Variants in F13A1 observed in about 807,000 individuals in gnomAD.
The protein encoded by F13A1 is coagulation factor XIII A chain, also known as FSF, A subunit.
A neutral mutation model predicts 80.1 loss-of-function variants in F13A1; 47 were observed. The observed-to-expected ratio is 0.59, with a 90% CI of 0.46 to 0.75. F13A1 has a LOEUF of 0.75. Ranked by LOEUF, F13A1 falls within the 30% of genes least tolerant of loss-of-function variation. The probability of loss-of-function intolerance (pLI) is 0.00; values close to 1 mark genes in which losing one functional copy is unlikely to be tolerated. For missense variants in F13A1, 817 were observed against 930.4 expected (o/e 0.88, Z 1.59); for synonymous variants, 349 against 344.9 (o/e 1.01, Z -0.13).
intron 2 of F13A1, 148 bp downstream of exon 2, chr6:6,318,387 T>C: frequency 1.8e-6 from 2 of 1,100,252 alleles, no homozygotes; most frequent in Admixed American, 5.2e-5. Flanking sequence ...AGCTTTTGCT[T>C]TCTTCCTTTA....
chr6:6,171,210 G>A (rs1320815723), intron 12 of F13A1, among the ~76,000 whole-genome samples: 2 of 152,192 alleles, frequency 1.3e-5, no homozygotes, highest in African/African-American at 4.8e-5. Context: ...GAAGGGACCT[G>A]GCCCACTTGG....
chr6:6,197,101 C>A, intron 9 of F13A1, 122 bp downstream of exon 9: 1 of 834,470 alleles, frequency 1.2e-6, no homozygotes. Context: ...TACATGTGCC[C>A]AGGAAGCACA....
At position 6,248,342 on chromosome 6, in the gene F13A1, G is replaced by C; in HGVS notation, c.768C>G (p.Pro256=). The change falls in exon 6 of 15, where the codon CCC becomes CCG. Residue 256 remains proline (P), a synonymous_variant. Coordinates refer to ENST00000264870, the MANE Select transcript of F13A1 (RefSeq NM_000129.4). ...CAGACCCCACACGGCTGACTTTGAT[G>C]GGATTCCCTCTTCCAGAGAGGTCCA... ...AQMDLSGRGN[P]IKVSRVGSAM... The C allele has an allele frequency of 6.2e-7, 1 of 1,613,836 alleles. No individual in the cohort carries two copies. The highest frequency in any genetic ancestry group is 8.5e-7 in the Non-Finnish European group (1 of 1,179,842).
At chr6:6,151,982 A>G (rs1189150957) in intron 13 of F13A1, 33 bp from the exon 14 acceptor site, 3 of 1,612,786 alleles carry the variant, frequency 1.9e-6, no homozygotes, top group Admixed American at 3.3e-5. Context: ...TTAGCACCAA[A>G]TAAAACCTCG....
At chr6:6,225,071 C>T (rs1391056132) in intron 6 of F13A1, among the ~76,000 whole-genome samples, 1 of 152,168 alleles carries the variant, frequency 6.6e-6, no homozygotes, top group East Asian at 1.9e-4. Flanking sequence ...ACCAAGATTG[C>T]CTGTTAAATC....
rs538491635 is a variant in F13A1 at position 6,297,350 on chromosome 6, G to C, written c.319+8001C>G. On this transcript the variant is annotated intron_variant, in intron 3 of 14. Transcript: ENST00000264870. ...CCAGTTCCTCCTTGTACCTCTGGTA[G>C]AATTTGGCTGTGAATCCATCTGGTC... Among the ~76,000 whole-genome samples, 822 of 151,666 alleles carry C rather than the reference G, an allele frequency of 5.4e-3. 10 individuals are homozygous for C. Among genetic ancestry groups the C allele is most frequent in the African/African-American group, 0.019 (772 of 41,078 alleles).
In F13A1 at chr6:6,224,667, TACTC is replaced by T. The variant is rs1213058761; in HGVS notation, c.973+15_973+18del. The T allele has an allele frequency of 6.2e-7, 1 of 1,610,562 alleles. No individual in the cohort carries two copies. Among genetic ancestry groups the T allele is most frequent in the South Asian group, 1.1e-5 (1 of 90,704 alleles). Reference sequence around the variant, plus strand: ...AGTTTCCTTTATATTAAAAAGAAATTACTCAGTTGGATACTTACATGTGTTAAAG... The same window carrying T: ...AGTTTCCTTTATATTAAAAAGAAATTAGTTGGATACTTACATGTGTTAAAG... On this transcript the variant is annotated intron_variant, in intron 7 of 14. Coordinates refer to ENST00000264870, the MANE Select transcript of F13A1 (RefSeq NM_000129.4).
intron 13 of F13A1, among the ~76,000 whole-genome samples, chr6:6,163,937 T>C (rs4960173): frequency 0.21 from 31,342 of 152,070 alleles, 3,318 homozygotes; most frequent in Middle Eastern, 0.34. Flanking sequence ...ACCAACCGTA[T>C]ATAAGTGTTC....
chr6:6,287,301 G>T (rs1331951547), intron 3 of F13A1, among the ~76,000 whole-genome samples: 4 of 152,220 alleles, frequency 2.6e-5, no homozygotes, highest in Admixed American at 6.5e-5. Flanking sequence ...GCCAGGGAAT[G>T]CCCACAGTCC....
chr6:6,204,309 T>C (rs1761449424), intron 8 of F13A1, among the ~76,000 whole-genome samples: 1 of 152,238 alleles, frequency 6.6e-6, no homozygotes, highest in African/African-American at 2.4e-5. Flanking sequence ...TGCAGCTTTA[T>C]TAGGGCTCAG....
intron 9 of F13A1, among the ~76,000 whole-genome samples, chr6:6,196,843 T>C (rs995342377): frequency 1.3e-5 from 2 of 152,226 alleles, no homozygotes; most frequent in Admixed American, 1.3e-4. Flanking sequence ...ATAATTATTT[T>C]TCGAGTTCTC....
Position 6,174,808 on chromosome 6 carries a change from G to C in F13A1, c.1519C>G (p.Leu507Val). The C allele has an allele frequency of 6.2e-7, 1 of 1,614,160 alleles. No individual in the cohort carries two copies. The highest frequency in any genetic ancestry group is 1.1e-5 in the South Asian group (1 of 91,066). The change falls in exon 12 of 15, where the codon CTC becomes GTC. Residue 507 changes from leucine (L) to valine (V), a missense_variant. Leu to Val is a conservative substitution (Grantham distance 32, BLOSUM62 1). Transcript: ENST00000264870. ...GATTTCATGACACCTTCTGTGTTGA[G>C]GGGCTTTTTAGCTCCGTACATCAGG... Reference protein sequence around the residue: ...TALMYGAKKPLNTEGVMKSRS... With the variant: ...TALMYGAKKPVNTEGVMKSRS...
rs766697040 is a variant in F13A1, at chr6:6,195,860, C to T, written c.1242G>A (p.Ser414=). The T allele has an allele frequency of 3.0e-5, 48 of 1,614,018 alleles. No homozygotes were observed. The highest frequency in any genetic ancestry group is 8.3e-5 in the Admixed American group (5 of 60,006). Residue 414 remains serine, a synonymous_variant, in exon 10 of 15, where the codon TCG becomes TCA. Transcript: ENST00000264870. ...SDGMYRCGPA[S]VQAIKHGHVC... Reference sequence around the variant, plus strand: ...CATGGCCGTGCTTGATGGCTTGAACCGAGGCGGGGCCACACCGATACATGC... The same window carrying T: ...CATGGCCGTGCTTGATGGCTTGAACTGAGGCGGGGCCACACCGATACATGC...
chr6:6,147,618 T>G (rs1232575921), intron 14 of F13A1, among the ~76,000 whole-genome samples: 1 of 152,226 alleles, frequency 6.6e-6, no homozygotes. Context: ...TCAGAAGCAC[T>G]TTGTGAAACA....
rs965689553 is a variant in F13A1 at position 6,183,499 on chromosome 6, C to A, written c.1306-1358G>T. On this transcript the variant is annotated intron_variant, in intron 10 of 14. Coordinates refer to ENST00000264870, the MANE Select transcript of F13A1 (RefSeq NM_000129.4). ...CTGTGCATCAGAGTCACCTGGAGAA[C>A]TTTAAACAAAAATAGACGCCTGATT... 2.6e-5 allele frequency among the ~76,000 whole-genome samples: 4 copies of A among 152,292 alleles called. No homozygotes were observed. The South Asian group carries it at 6.2e-4, about 24-fold the overall frequency.
chr6:6,178,055 G>A (rs1450462587), intron 11 of F13A1, among the ~76,000 whole-genome samples: 1 of 81,386 alleles, frequency 1.2e-5, no homozygotes, highest in East Asian at 4.2e-4. Context: ...GGGGGGGGGG[G>A]GTGGGGCTTT....
At chr6:6,288,256 A>G (rs1443699650) in intron 3 of F13A1, among the ~76,000 whole-genome samples, 2 of 152,240 alleles carry the variant, frequency 1.3e-5, no homozygotes, top group African/African-American at 4.8e-5. Flanking sequence ...CATGCAGTAG[A>G]TCACTAAAAC....
In F13A1 at chr6:6,219,808, G is replaced by C. The variant is rs1333349436; in HGVS notation, c.1112+2225C>G. 2.0e-5 allele frequency among the ~76,000 whole-genome samples: 3 copies of C among 152,196 alleles called. No homozygotes were observed. In the East Asian group the frequency reaches 5.8e-4, roughly 29 times the overall value. ...TAACAGAAATAGCACAGTCATCTTA[G>C]GACACTGGGCATCCCTCTTTTTCTG... On this transcript the variant is annotated intron_variant, in intron 8 of 14. Transcript: ENST00000264870.
chr6:6,288,677 T>C (rs1274938577), intron 3 of F13A1, among the ~76,000 whole-genome samples: 1 of 152,224 alleles, frequency 6.6e-6, no homozygotes, highest in East Asian at 1.9e-4. Context: ...TACCCAGAAG[T>C]GGGATTGCTG....
Sources: allele counts gnomAD v4.1 joint callset (sites outside exome capture counted in the v4.1 genomes callset), GRCh38; gene constraint gnomAD v4.1.1; transcripts MANE v1.5; gene names NCBI Gene and HGNC (gene_info 2026-07-23, HGNC 2026-07-21).